The following PHACTR1 variants were observed in gnomAD, a reference collection of about 807,000 sequenced individuals.
PHACTR1 encodes RPEL repeat containing 1.
Under a neutral mutation model 69.2 loss-of-function variants are expected in PHACTR1, and 16 were observed. That is an observed-to-expected ratio of 0.23 (90% confidence interval 0.16 to 0.35). PHACTR1 has a LOEUF of 0.35. PHACTR1 is among the 10% of genes least tolerant of loss of function. The pLI, the probability that PHACTR1 is intolerant of heterozygous loss-of-function variation, is 1.00. For synonymous variants in PHACTR1, 312 were observed against 284.5 expected (o/e 1.10, Z -0.97); for missense variants, 510 against 734.7 (o/e 0.69, Z 3.54).
chr6:13,089,831 A>G (rs1583308349), intron 5 of PHACTR1, among the ~76,000 whole-genome samples: 1 of 152,316 alleles, frequency 6.6e-6, no homozygotes, highest in African/African-American at 2.4e-5. Context: ...CAGTGGAACA[A>G]ACTGGTGAGA....
rs542986058 is a variant in PHACTR1, at chr6:13,237,564, A to T, written c.1391+7371A>T. 2.6e-5 allele frequency among the ~76,000 whole-genome samples: 4 copies of T among 152,368 alleles called. No individual in the cohort carries two copies. The South Asian group carries it at 8.3e-4, about 32-fold the overall frequency. On this transcript the variant is annotated intron_variant, in intron 10 of 14. Coordinates refer to ENST00000332995, the MANE Select transcript of PHACTR1 (RefSeq NM_030948.6). The stretch of plus-strand genomic sequence containing the variant: ...GCCGAGGAGACAATGAGACAGGAAT[A>T]GTAGGTATGTTGTAAATGTAAATGT...
chr6:13,020,361 A>G (rs987876871), intron 4 of PHACTR1, among the ~76,000 whole-genome samples: 1 of 152,222 alleles, frequency 6.6e-6, no homozygotes, highest in African/African-American at 2.4e-5. Flanking sequence ...TTCATGTATC[A>G]AGCATTGATG....
intron 13 of PHACTR1, among the ~76,000 whole-genome samples, chr6:13,284,092 G>A (rs1780933427): frequency 6.6e-6 from 1 of 152,170 alleles, no homozygotes. Context: ...TTTAGGAAAA[G>A]CAGTGATGCC....
chr6:13,283,713 G>A lies in PHACTR1; in HGVS notation c.1650+151G>A, dbSNP rs1780827212. Reference sequence around the variant, plus strand: ...GTTGAGACCCCAACACCTTTCCCCAGGGGCCACAGATAATCTGCGGAAAGG... The same window carrying A: ...GTTGAGACCCCAACACCTTTCCCCAAGGGCCACAGATAATCTGCGGAAAGG... On this transcript the variant is annotated intron_variant, in intron 13 of 14. Transcript: ENST00000332995. This position sits in a 1 kb window ranked among gnomAD's most constrained non-coding sequence, Gnocchi z 4.7. 1.8e-6 allele frequency: 2 copies of A among 1,129,378 alleles called. No individual in the cohort carries two copies. Among genetic ancestry groups the A allele is most frequent in the Admixed American group, 2.1e-5 (1 of 48,146 alleles). 70.0% of individuals were successfully genotyped at this position (1,129,378 alleles called of 1,614,324 possible).
chr6:12,734,060 C>T (rs2127575951), intron 3 of PHACTR1, among the ~76,000 whole-genome samples: 1 of 152,242 alleles, frequency 6.6e-6, no homozygotes, highest in South Asian at 2.1e-4. Context: ...GCAGCCAGCC[C>T]CCAGCCCCTC....
At chr6:13,175,679 CT>C (rs960436681) in intron 6 of PHACTR1, among the ~76,000 whole-genome samples, 12 of 152,196 alleles carry the variant, frequency 7.9e-5, no homozygotes, top group Non-Finnish European at 1.5e-4. Context: ...AAAAAGCATT[CT>C]CTTCCCTTGA....
intron 10 of PHACTR1, among the ~76,000 whole-genome samples, chr6:13,260,567 C>G (rs185412165): frequency 6.6e-6 from 1 of 152,262 alleles, no homozygotes. Flanking sequence ...TTAAAGTATT[C>G]TCTTTGTTCC....
chr6:12,838,190 A>G lies in PHACTR1; in HGVS notation c.250+88400A>G, dbSNP rs1039980177. 3.9e-5 allele frequency among the ~76,000 whole-genome samples: 6 copies of G among 152,336 alleles called. No individual in the cohort carries two copies. In the South Asian group the frequency reaches 1.2e-3, roughly 32 times the overall value. On this transcript the variant is annotated intron_variant, in intron 4 of 14. Transcript: ENST00000332995. ...GACAGCCCGTCCCCGTGGCTATAAC[A>G]TACCGAGTAAAAACAAGTCACAGTT...
chr6:12,961,471 A>C (rs1270135013), intron 4 of PHACTR1, among the ~76,000 whole-genome samples: 4 of 152,208 alleles, frequency 2.6e-5, no homozygotes, highest in Non-Finnish European at 5.9e-5. Context: ...AGAAAATAGT[A>C]AAAATAATTC....
At chr6:12,984,076 T>G (rs1042080717) in intron 4 of PHACTR1, among the ~76,000 whole-genome samples, 7 of 152,218 alleles carry the variant, frequency 4.6e-5, no homozygotes, top group African/African-American at 1.7e-4. Context: ...ATGGGATGGC[T>G]GGGTCAAATG....
intron 7 of PHACTR1, among the ~76,000 whole-genome samples, chr6:13,198,484 A>T (rs530632060): frequency 5.9e-5 from 9 of 152,274 alleles, no homozygotes; most frequent in South Asian, 2.1e-4. Context: ...CACACGGTTT[A>T]TGTACTTTAT....
intron 6 of PHACTR1, among the ~76,000 whole-genome samples, chr6:13,162,078 C>T (rs563083384): frequency 2.3e-5 from 3 of 132,562 alleles, no homozygotes; most frequent in African/African-American, 5.8e-5. Context: ...TATGATCCCC[C>T]AACCCTCCCT....
At chr6:13,007,884 T>C (rs1213830974) in intron 4 of PHACTR1, among the ~76,000 whole-genome samples, 1 of 152,160 alleles carries the variant, frequency 6.6e-6, no homozygotes, top group African/African-American at 2.4e-5. Context: ...TAAGTGTTCA[T>C]AGAATAATTT....
intron 4 of PHACTR1, among the ~76,000 whole-genome samples, chr6:12,945,370 A>C (rs1164527711): frequency 6.6e-6 from 1 of 152,116 alleles, no homozygotes. Context: ...TTCAGTCAAA[A>C]CTGTAAGTTT....
chr6:12,881,976 A>G (rs2127456456), intron 4 of PHACTR1, among the ~76,000 whole-genome samples: 1 of 152,284 alleles, frequency 6.6e-6, no homozygotes, highest in South Asian at 2.1e-4. Flanking sequence ...AGTGTCCTGA[A>G]GACCAAGGCA....
At chr6:13,005,563 T>C (rs1454248465) in intron 4 of PHACTR1, among the ~76,000 whole-genome samples, 1 of 152,188 alleles carries the variant, frequency 6.6e-6, no homozygotes, top group East Asian at 1.9e-4. Flanking sequence ...AATGTATAAA[T>C]ATAAATATCC....
intron 5 of PHACTR1, among the ~76,000 whole-genome samples, chr6:13,147,375 C>G (rs140363923): frequency 6.6e-6 from 1 of 152,336 alleles, no homozygotes; most frequent in African/African-American, 2.4e-5. Context: ...GCAAAGCTAT[C>G]TTCTCTCAGT....
chr6:13,086,301 G>A (rs561385840), intron 5 of PHACTR1, among the ~76,000 whole-genome samples: 2 of 152,136 alleles, frequency 1.3e-5, no homozygotes, highest in South Asian at 4.1e-4. Flanking sequence ...AATTAAATCA[G>A]TAGTTTAAAA....
intron 8 of PHACTR1, among the ~76,000 whole-genome samples, chr6:13,225,776 T>C (rs1769544618): frequency 1.3e-5 from 2 of 152,172 alleles, no homozygotes; most frequent in Non-Finnish European, 2.9e-5. Context: ...GAACCATTGC[T>C]AATTAACCAA....
Sources: gnomAD v4.1 joint callset for allele counts (sites outside exome capture counted in the v4.1 genomes callset) on GRCh38, gnomAD v4.1.1 for gene constraint, Gnocchi (gnomAD v3.1) non-coding constraint, MANE v1.5 for transcripts, NCBI Gene and HGNC (gene_info 2026-07-23, HGNC 2026-07-21) for gene names.